Variants in NCALD observed in about 807,000 individuals in gnomAD.
The protein encoded by NCALD is neurocalcin-delta.
Under a neutral mutation model 18.6 loss-of-function variants are expected in NCALD, and 10 were observed. That is an observed-to-expected ratio of 0.54 (90% CI 0.33 to 0.91). The LOEUF (loss-of-function observed/expected upper bound fraction) is 0.91. NCALD is among the 40% of genes least tolerant of loss of function. The pLI is 0.03. For synonymous variants in NCALD, 88 were observed against 87.4 expected (o/e 1.01, Z -0.04); for missense variants, 184 against 247.6 (o/e 0.74, Z 1.72).
At chr8:102,103,369 A>T (rs1045187973) in intron 1 of NCALD, among the ~76,000 whole-genome samples, 5 of 152,150 alleles carry the variant, frequency 3.3e-5, no homozygotes, top group Non-Finnish European at 5.9e-5. Flanking sequence ...CTCTCTTAAA[A>T]GAGAGAATAA....
chr8:101,931,785 C>T (rs929828546), intron 2 of NCALD, among the ~76,000 whole-genome samples: 6 of 152,154 alleles, frequency 3.9e-5, no homozygotes, highest in Non-Finnish European at 2.9e-5. Flanking sequence ...TACACATTAT[C>T]TCTTTTATTT....
At chr8:101,825,780 C>G (rs1016930739) in intron 4 of NCALD, among the ~76,000 whole-genome samples, 1 of 152,204 alleles carries the variant, frequency 6.6e-6, no homozygotes, top group Non-Finnish European at 1.5e-5. Flanking sequence ...CTTTGCAGGT[C>G]ATACCATCTC....
chr8:101,847,352 C>T (rs488034), intron 4 of NCALD: 59,718 of 231,600 alleles, frequency 0.26, 8,484 homozygotes, highest in African/African-American at 0.36. Context: ...TCATGAGCTA[C>T]AACAGGATCG....
At chr8:101,845,622 G>A (rs995225373) in intron 4 of NCALD, among the ~76,000 whole-genome samples, 2 of 152,172 alleles carry the variant, frequency 1.3e-5, no homozygotes, top group Non-Finnish European at 2.9e-5. Flanking sequence ...CATGGTAAAA[G>A]CTGGGTAATT....
At chr8:101,925,506 T>G (rs1818305810) in intron 2 of NCALD, among the ~76,000 whole-genome samples, 1 of 152,118 alleles carries the variant, frequency 6.6e-6, no homozygotes. Context: ...CTACACTCAT[T>G]CCCCCTCTCA....
chr8:101,691,027 G>T (rs926513506), intron 3 of NCALD: 7 of 985,394 alleles, frequency 7.1e-6, no homozygotes, highest in Non-Finnish European at 8.4e-6. Context: ...TCAAATCGGA[G>T]GCCAGAAGTT....
At chr8:101,894,009 T>C (rs1586709463) in intron 3 of NCALD, among the ~76,000 whole-genome samples, 1 of 147,496 alleles carries the variant, frequency 6.8e-6, no homozygotes, top group African/African-American at 2.7e-5. Context: ...CTCCACCAAG[T>C]GGACCTAATA....
At chr8:101,779,659 A>G (rs1301852904) in intron 1 of NCALD, among the ~76,000 whole-genome samples, 1 of 152,084 alleles carries the variant, frequency 6.6e-6, no homozygotes, top group Non-Finnish European at 1.5e-5. Flanking sequence ...CCTTTTTTAT[A>G]TAATTTTCAC....
At chr8:102,035,831 T>C (rs892036579) in intron 1 of NCALD, among the ~76,000 whole-genome samples, 2 of 152,186 alleles carry the variant, frequency 1.3e-5, no homozygotes, top group African/African-American at 2.4e-5. Context: ...GACATAGTCA[T>C]GTTCTTGCAG....
At chr8:101,741,887 T>G (rs1301638181) in intron 1 of NCALD, among the ~76,000 whole-genome samples, 1 of 134,192 alleles carries the variant, frequency 7.5e-6, no homozygotes, top group Non-Finnish European at 1.5e-5. Context: ...CAGCAAGCCA[T>G]GATGGCACCA....
rs576286368 is a variant in NCALD, at chr8:101,732,590, CTTTTTTTTTTTT to C, written c.-19-12954_-19-12943del. On this transcript the variant is annotated intron_variant, in intron 1 of 3. Coordinates refer to ENST00000220931, the MANE Select transcript of NCALD (RefSeq NM_032041.3). ...AATTCAGAGTATTTCTTTTTCTTTG[CTTTTTTTTTTTT>C]TTTTTTTTTTTTTTTTTTTGAGACA... Among the ~76,000 whole-genome samples the C allele has an allele frequency of 1.9e-4, 10 of 53,676 alleles. No homozygotes were observed. The South Asian group carries it at 5.6e-3, about 30-fold the overall frequency. 35.2% of individuals were successfully genotyped at this position (53,676 alleles called of 152,430 possible).
intron 1 of NCALD, among the ~76,000 whole-genome samples, chr8:102,057,536 A>G (rs1388338493): frequency 6.6e-6 from 1 of 152,152 alleles, no homozygotes; most frequent in Non-Finnish European, 1.5e-5. Context: ...TAAAATTTTC[A>G]TGCTCCAGTG....
chr8:101,776,154 T>C (rs1392655742), intron 1 of NCALD, among the ~76,000 whole-genome samples: 1 of 152,138 alleles, frequency 6.6e-6, no homozygotes, highest in African/African-American at 2.4e-5. Flanking sequence ...CTGAAATTAA[T>C]TATTCCCAAA....
At chr8:101,999,073 C>CA (rs34227411) in intron 2 of NCALD, among the ~76,000 whole-genome samples, 1,101 of 79,258 alleles carry the variant, frequency 0.014, 21 homozygotes, top group African/African-American at 0.039. Context: ...CACTCACCAT[C>CA]AAAAAAAAAA....
chr8:101,811,735 A>G (rs937313581), intron 4 of NCALD, among the ~76,000 whole-genome samples: 2 of 152,156 alleles, frequency 1.3e-5, no homozygotes, highest in African/African-American at 4.8e-5. Flanking sequence ...GCTGGGAGTG[A>G]ACCCATTACG....
chr8:102,031,826 A>G (rs1021236807), intron 1 of NCALD, among the ~76,000 whole-genome samples: 3 of 152,202 alleles, frequency 2.0e-5, no homozygotes, highest in Non-Finnish European at 2.9e-5. Context: ...TTCATTAATC[A>G]TAGAACTCCG....
chr8:102,007,248 G>T (rs772385277), intron 2 of NCALD, among the ~76,000 whole-genome samples: 2 of 152,206 alleles, frequency 1.3e-5, no homozygotes, highest in Non-Finnish European at 1.5e-5. Context: ...CAAATTATTT[G>T]GTCTATAAGA....
chr8:102,030,449 T>G (rs1376321875), intron 1 of NCALD, among the ~76,000 whole-genome samples: 1 of 152,214 alleles, frequency 6.6e-6, no homozygotes, highest in Non-Finnish European at 1.5e-5. Flanking sequence ...TAAAAATGCT[T>G]AAGTCCACAA....
Position 102,007,608 on chromosome 8 carries a change from T to C in NCALD, c.-157+12629A>G, listed in dbSNP as rs116108954. On this transcript the variant is annotated intron_variant, in intron 2 of 6. Coordinates refer to the NCALD transcript ENST00000311028. Reference sequence around the variant, plus strand: ...AAATGCAGCTTTGTCAAGGATCACCTTCTATTCCAGTTAATTAGAATGATT... The same window carrying C: ...AAATGCAGCTTTGTCAAGGATCACCCTCTATTCCAGTTAATTAGAATGATT... 2.7e-4 allele frequency among the ~76,000 whole-genome samples: 41 copies of C among 152,356 alleles called. 1 individual carries two copies. The highest frequency in any genetic ancestry group is 7.9e-4 in the African/African-American group (33 of 41,584).
Sources: allele counts gnomAD v4.1 joint callset (sites outside exome capture counted in the v4.1 genomes callset), GRCh38; gene constraint gnomAD v4.1.1; transcripts MANE v1.5; gene names NCBI Gene and HGNC (gene_info 2026-07-23, HGNC 2026-07-21).